MAN2A1: variants seen among roughly 807,000 people sequenced by gnomAD.
The protein encoded by MAN2A1 is mannosidase alpha class 2A member 1, also known as alpha-mannosidase 2.
MAN2A1 carries 76 observed loss-of-function variants against 142.6 expected under a neutral mutation model. The observed-to-expected ratio is 0.53, with a 90% confidence interval of 0.44 to 0.65. The LOEUF (loss-of-function observed/expected upper bound fraction) is 0.65. Ranked by LOEUF, MAN2A1 falls within the 30% of genes least tolerant of loss-of-function variation. The pLI, the probability that MAN2A1 is intolerant of heterozygous loss-of-function variation, is 0.00. For missense variants in MAN2A1, 1,311 were observed against 1,365.1 expected (o/e 0.96, Z 0.62); for synonymous variants, 559 against 473.2 (o/e 1.18, Z -2.35).
At chr5:109,719,079 A>AT (rs1751533630) in intron 3 of MAN2A1, among the ~76,000 whole-genome samples, 1 of 149,710 alleles carries the variant, frequency 6.7e-6, no homozygotes, top group Non-Finnish European at 1.5e-5. Flanking sequence ...CGATTTTTAG[A>AT]TTTTTTGTTT....
At chr5:109,717,063 A>ATTT (rs371206769) in intron 3 of MAN2A1, among the ~76,000 whole-genome samples, 1 of 145,904 alleles carries the variant, frequency 6.9e-6, no homozygotes, top group African/African-American at 2.5e-5. Flanking sequence ...TAGTTGCAGC[A>ATTT]TTTTTTTTTT....
rs2300987 is a variant in MAN2A1, at chr5:109,696,291, G to C, written c.135+5739G>C. ...AATTTTTGTATTTTTAGTAGAGACG[G>C]GGTTTCACCATGTTGGCCAGGATGG... On this transcript the variant is annotated intron_variant, in intron 1 of 21. Coordinates refer to ENST00000261483, the MANE Select transcript of MAN2A1 (RefSeq NM_002372.4). Among the ~76,000 whole-genome samples, 1,745 of 152,150 alleles carry C rather than the reference G, an allele frequency of 0.011. 170 individuals are homozygous for C. In the East Asian group the frequency reaches 0.24, roughly 21 times the overall value.
chr5:109,855,358 A>G, intron 20 of MAN2A1, 24 bp downstream of exon 20: 1 of 1,405,196 alleles, frequency 7.1e-7, no homozygotes, highest in Non-Finnish European at 9.5e-7. Context: ...TATATCTTAT[A>G]AAAAATTACT....
At chr5:109,858,086 G>T (rs1205692180) in intron 20 of MAN2A1, among the ~76,000 whole-genome samples, 3 of 152,210 alleles carry the variant, frequency 2.0e-5, no homozygotes, top group African/African-American at 7.2e-5. Context: ...GGAATAGAGA[G>T]CAACTTAACA....
intron 16 of MAN2A1, among the ~76,000 whole-genome samples, chr5:109,830,901 G>C (rs1754889993): frequency 6.6e-6 from 1 of 152,174 alleles, no homozygotes; most frequent in African/African-American, 2.4e-5. Context: ...AGAACTCAGA[G>C]GTTATCTTTG....
At chr5:109,798,426 C>T (rs1238870029) in intron 12 of MAN2A1, among the ~76,000 whole-genome samples, 1 of 152,182 alleles carries the variant, frequency 6.6e-6, no homozygotes, top group Non-Finnish European at 1.5e-5. Flanking sequence ...TGGGATGGCC[C>T]ATTAGCAGCT....
At chr5:109,802,478 A>G (rs775197168) in intron 12 of MAN2A1, among the ~76,000 whole-genome samples, 2 of 152,108 alleles carry the variant, frequency 1.3e-5, no homozygotes, top group East Asian at 3.9e-4. Context: ...TCTGTAGAGT[A>G]TTGGTTTGGG....
Position 109,831,936 on chromosome 5 carries a change from CAT to C in MAN2A1, c.2566+8101_2566+8102del, listed in dbSNP as rs370004956. Among the ~76,000 whole-genome samples, 188 of 151,722 alleles carry C rather than the reference CAT, an allele frequency of 1.2e-3. 2 individuals are homozygous for C. Among genetic ancestry groups the C allele is most frequent in the Middle Eastern group, 6.8e-3 (2 of 294 alleles). ...TATTTGTATGCAGTTGGTCAAAAAA[CAT>C]AAATATGTTCCTATTTTAATAATTT... On this transcript the variant is annotated intron_variant, in intron 16 of 21. Coordinates refer to ENST00000261483, the MANE Select transcript of MAN2A1 (RefSeq NM_002372.4).
At chr5:109,758,313 T>C (rs1752744388) in intron 5 of MAN2A1, among the ~76,000 whole-genome samples, 1 of 152,160 alleles carries the variant, frequency 6.6e-6, no homozygotes, top group African/African-American at 2.4e-5. Flanking sequence ...ATCAGCTGCG[T>C]ATAGATCTTT....
rs898343774 is a variant in MAN2A1 at position 109,869,568 on chromosome 5, A to T, written c.*2570A>T. Reference sequence around the variant, plus strand: ...TTGATATTTTCTCTTGGAAGATTTTATATCTTTTTGGGAATATGTAATATA... The same window carrying T: ...TTGATATTTTCTCTTGGAAGATTTTTTATCTTTTTGGGAATATGTAATATA... On this transcript the variant is annotated 3_prime_UTR_variant, in exon 22 of 22. Transcript: ENST00000261483. 6.6e-6 allele frequency: 1 copy of T among 152,082 alleles called. No individual in the cohort carries two copies. Among genetic ancestry groups the T allele is most frequent in the East Asian group, 1.9e-4 (1 of 5,192 alleles). 9.4% of individuals were successfully genotyped at this position (152,082 alleles called of 1,614,324 possible).
At chr5:109,819,215 G>A (rs1422990287) in intron 13 of MAN2A1, among the ~76,000 whole-genome samples, 1 of 152,134 alleles carries the variant, frequency 6.6e-6, no homozygotes, top group Non-Finnish European at 1.5e-5. Flanking sequence ...TAAGTGTTCT[G>A]AGTACATGAA....
chr5:109,835,140 A>C (rs1452622039), intron 16 of MAN2A1, among the ~76,000 whole-genome samples: 1 of 152,248 alleles, frequency 6.6e-6, no homozygotes, highest in South Asian at 2.1e-4. Flanking sequence ...TAAGTTGGAT[A>C]AAGTTTACAA....
At chr5:109,728,816 A>G (rs1405608335) in intron 3 of MAN2A1, among the ~76,000 whole-genome samples, 2 of 152,136 alleles carry the variant, frequency 1.3e-5, no homozygotes, top group Non-Finnish European at 1.5e-5. Context: ...GTTCATATTT[A>G]TGGTGTAATT....
At chr5:109,724,962 CTTT>C (rs1459480151) in intron 3 of MAN2A1, among the ~76,000 whole-genome samples, 1 of 152,006 alleles carries the variant, frequency 6.6e-6, no homozygotes, top group Non-Finnish European at 1.5e-5. Context: ...TGCATTTGTA[CTTT>C]TTTCCTAGTC....
chr5:109,751,181 C>T (rs1010180061), intron 4 of MAN2A1, among the ~76,000 whole-genome samples: 6 of 151,978 alleles, frequency 3.9e-5, no homozygotes, highest in Non-Finnish European at 8.8e-5. Flanking sequence ...GTCTGTCCTT[C>T]TACTCTCCAC....
intron 8 of MAN2A1, among the ~76,000 whole-genome samples, chr5:109,778,850 C>T (rs1753367610): frequency 6.6e-6 from 1 of 151,958 alleles, no homozygotes; most frequent in Non-Finnish European, 1.5e-5. Flanking sequence ...TTTTAATGAA[C>T]TGGAGAACAA....
At position 109,855,188 on chromosome 5, in the gene MAN2A1, ACTT is replaced by A. The variant is rs750925456; in HGVS notation, c.3031_3033del (p.Ser1011del). 3 of 1,600,672 alleles carry A rather than the reference ACTT, an allele frequency of 1.9e-6. No individual in the cohort carries two copies. The highest frequency in any genetic ancestry group is 2.6e-6 in the Non-Finnish European group (3 of 1,176,072). On this transcript the variant is annotated inframe_deletion, in exon 20 of 22. Coordinates refer to ENST00000261483, the MANE Select transcript of MAN2A1 (RefSeq NM_002372.4). ...TTATCCTTCTCTCCTTAGCCACATA[ACTT>A]CTTCTCTCATGAATCATCCAGTCAT...
At chr5:109,836,407 C>T (rs1397330380) in intron 16 of MAN2A1, among the ~76,000 whole-genome samples, 1 of 151,404 alleles carries the variant, frequency 6.6e-6, no homozygotes, top group African/African-American at 2.4e-5. Context: ...TGAGCCACCG[C>T]ACCGGCATGC....
intron 16 of MAN2A1, among the ~76,000 whole-genome samples, chr5:109,834,714 G>A (rs1755015883): frequency 6.6e-6 from 1 of 152,092 alleles, no homozygotes; most frequent in Non-Finnish European, 1.5e-5. Context: ...GCACAAAGCA[G>A]TATATCATCA....
Sources: allele counts gnomAD v4.1 joint callset (sites outside exome capture counted in the v4.1 genomes callset), GRCh38; gene constraint gnomAD v4.1.1; transcripts MANE v1.5; gene names NCBI Gene and HGNC (gene_info 2026-07-23, HGNC 2026-07-21).